Variants in PAK3 observed in about 807,000 individuals in gnomAD.
PAK3 encodes the protein p21 (RAC1) activated kinase 3.
PAK3 carries 4 observed loss-of-function variants against 41.0 expected under a neutral mutation model. The observed-to-expected ratio is 0.10, with a 90% CI of 0.05 to 0.22. PAK3 has a LOEUF of 0.22. PAK3 is among the 10% of genes least tolerant of loss of function. The probability of loss-of-function intolerance (pLI) is 1.00; values close to 1 mark genes in which losing one functional copy is unlikely to be tolerated. For synonymous variants in PAK3, 146 were observed against 139.6 expected, an observed-to-expected ratio of 1.05 and a Z score of -0.32; for missense variants, 205 against 409.9, an observed-to-expected ratio of 0.50 and a Z score of 4.32.
intron 16 of PAK3, among the ~76,000 whole-genome samples, chrX:111,199,759 A>C (rs2094658506): frequency 8.9e-6 from 1 of 111,901 alleles, no homozygotes; most frequent in Non-Finnish European, 1.9e-5. Flanking sequence ...GCTACCACAA[A>C]ATCAGAGATT....
Position 110,978,068 on chromosome X carries a change from G to A in PAK3, c.-28+33440G>A, listed in dbSNP as rs189086719. 6.7e-4 allele frequency among the ~76,000 whole-genome samples: 75 copies of A among 111,767 alleles called. No individual in the cohort carries two copies. In the East Asian group the frequency reaches 0.02, roughly 29 times the overall value. Reference sequence around the variant, plus strand: ...TTGATGAATTTCCTTCCTATCTGTAGCTTGTTGAGTGCTTTATCATAAAAG... The same window carrying A: ...TTGATGAATTTCCTTCCTATCTGTAACTTGTTGAGTGCTTTATCATAAAAG... On this transcript the variant is annotated intron_variant, in intron 1 of 14. Coordinates refer to the PAK3 transcript ENST00000425146.
chrX:111,200,484 T>C (rs942909222), intron 16 of PAK3, among the ~76,000 whole-genome samples: 2 of 112,117 alleles, frequency 1.8e-5, no homozygotes, highest in Admixed American at 9.5e-5. Flanking sequence ...GATGTGCACA[T>C]TGATTAGCTG....
At chrX:111,104,316 A>C (rs7062370) in intron 4 of PAK3, among the ~76,000 whole-genome samples, 4,060 of 107,411 alleles carry the variant, frequency 0.038, 204 homozygotes, top group African/African-American at 0.14. Context: ...AACAACCAAC[A>C]AAATTAAAAA....
chrX:110,979,487 CG>C lies in PAK3; in HGVS notation c.-28+34863del, dbSNP rs2091411650. ...TAATTTTTTGTATTTTCAGTAGAGA[CG>C]GGGTTTCACCGTGTTAGCCAGGATG... On this transcript the variant is annotated intron_variant, in intron 1 of 14. Coordinates refer to the PAK3 transcript ENST00000425146. Among the ~76,000 whole-genome samples the C allele has an allele frequency of 2.7e-5, 3 of 109,203 alleles. 1 individual carries two copies. The Admixed American group carries it at 2.9e-4, about 11-fold the overall frequency. The allele number at this position is 109,203 out of a possible 115,157, so 94.8% of individuals were successfully genotyped here.
At chrX:111,202,041 A>G (rs2094690183) in intron 16 of PAK3, among the ~76,000 whole-genome samples, 1 of 110,388 alleles carries the variant, frequency 9.1e-6, no homozygotes, top group African/African-American at 3.3e-5. Flanking sequence ...TACAATTACC[A>G]TGAACAGGTA....
chrX:111,181,484 C>T (rs189101876), intron 11 of PAK3, among the ~76,000 whole-genome samples: 1 of 111,047 alleles, frequency 9.0e-6, no homozygotes, highest in African/African-American at 3.3e-5. Flanking sequence ...CAGTCCCCCC[C>T]GTCTCTCTAA....
rs763624022 is a variant in PAK3, at chrX:111,217,960, C to T, written c.1545+1402C>T. On this transcript the variant is annotated intron_variant, in intron 17 of 17. Coordinates refer to ENST00000372007, the MANE Select transcript of PAK3 (RefSeq NM_002578.5). ...ATTATCTAGTTAATTCATTCCCCAA[C>T]AATACTTTTATATGAACCAGTCAGA... Among the ~76,000 whole-genome samples, 4 of 112,433 alleles carry T rather than the reference C, an allele frequency of 3.6e-5. No homozygotes were observed. The East Asian group carries it at 1.1e-3, about 31-fold the overall frequency.
chrX:110,992,328 A>C (rs960144900), intron 1 of PAK3, among the ~76,000 whole-genome samples: 1 of 111,446 alleles, frequency 9.0e-6, no homozygotes, highest in Admixed American at 9.5e-5. Flanking sequence ...GGGAGGTCAG[A>C]GAGGTCACAG....
intron 15 of PAK3, 71 bp downstream of exon 15, chrX:111,196,012 G>A: frequency 1.5e-6 from 1 of 657,918 alleles, no homozygotes; most frequent in Non-Finnish European, 2.5e-6. Context: ...ATCTTAAGAA[G>A]ATAATGGTTA....
intron 1 of PAK3, among the ~76,000 whole-genome samples, chrX:110,954,032 T>C (rs1348609952): frequency 8.9e-6 from 1 of 111,787 alleles, no homozygotes; most frequent in Non-Finnish European, 1.9e-5. Context: ...ATTCACAGTG[T>C]TGCAGTGGGT....
At chrX:111,099,361 G>C (rs1258453823) in intron 3 of PAK3, among the ~76,000 whole-genome samples, 1 of 111,675 alleles carries the variant, frequency 9.0e-6, no homozygotes, top group Non-Finnish European at 1.9e-5. Flanking sequence ...GGAGCAATCT[G>C]TGCTAAACCC....
At chrX:111,142,063 C>A in intron 5 of PAK3, 33 bp from the exon 6 acceptor site, 1 of 859,084 alleles carries the variant, frequency 1.2e-6, no homozygotes, top group Non-Finnish European at 1.7e-6. Flanking sequence ...AAACTATACC[C>A]CAAATAAATA....
chrX:111,056,727 G>A lies in PAK3; in HGVS notation c.-27-66350G>A, dbSNP rs142262715. 1.5e-3 allele frequency among the ~76,000 whole-genome samples: 168 copies of A among 112,095 alleles called. 1 individual carries two copies. Among genetic ancestry groups the A allele is most frequent in the African/African-American group, 5.1e-3 (157 of 30,912 alleles). On this transcript the variant is annotated intron_variant, in intron 1 of 14. Transcript: ENST00000425146. ...TAAATTGCTACATAATGTGGCATAT[G>A]TAATCACTCTATGTAATTATTCCTT...
intron 16 of PAK3, among the ~76,000 whole-genome samples, chrX:111,214,048 G>A (rs780857840): frequency 1.8e-5 from 2 of 111,451 alleles, no homozygotes; most frequent in African/African-American, 6.5e-5. Flanking sequence ...GAGAGTTGGG[G>A]GAAAGGAAGA....
intron 4 of PAK3, among the ~76,000 whole-genome samples, chrX:111,114,626 T>C (rs1206767143): frequency 8.9e-6 from 1 of 111,743 alleles, no homozygotes; most frequent in Non-Finnish European, 1.9e-5. Flanking sequence ...CAGAAGAGTA[T>C]AGGGCATGCC....
intron 1 of PAK3, among the ~76,000 whole-genome samples, chrX:110,989,980 C>T (rs766704149): frequency 1.2e-4 from 14 of 112,209 alleles, no homozygotes; most frequent in Admixed American, 4.7e-4. Flanking sequence ...TGCCTCTTGG[C>T]GCTCTTTATT....
At chrX:111,188,508 A>AG (rs1208729514) in intron 11 of PAK3, among the ~76,000 whole-genome samples, 4 of 111,523 alleles carry the variant, frequency 3.6e-5, no homozygotes, top group Admixed American at 1.9e-4. Flanking sequence ...CCACTTCCCT[A>AG]GGGGGGGAGA....
chrX:111,216,190 C>G (rs1237219390), intron 16 of PAK3, among the ~76,000 whole-genome samples: 1 of 111,646 alleles, frequency 9.0e-6, no homozygotes, highest in Non-Finnish European at 1.9e-5. Context: ...AACCATATAA[C>G]CTTATTTTTA....
intron 10 of PAK3, chrX:111,169,321 C>T (rs1011063684): frequency 1.1e-5 from 2 of 179,054 alleles, no homozygotes; most frequent in Non-Finnish European, 2.1e-5. Flanking sequence ...TTAAGTGAAC[C>T]AGGAAGATCT....
Sources: allele counts gnomAD v4.1 joint callset (sites outside exome capture counted in the v4.1 genomes callset), GRCh38; gene constraint gnomAD v4.1.1; transcripts MANE v1.5; gene names NCBI Gene and HGNC (gene_info 2026-07-23, HGNC 2026-07-21).